The following HMGCLL1 variants were observed in gnomAD, a reference collection of about 807,000 sequenced individuals.
HMGCLL1 encodes the protein 3-hydroxy-3-methylglutaryl-CoA lyase like 1.
Under a neutral mutation model 39.1 loss-of-function variants are expected in HMGCLL1, and 36 were observed. That is an observed-to-expected ratio of 0.92 (90% confidence interval 0.71 to 1.22). The LOEUF is 1.22. HMGCLL1 is among the 50% of genes most tolerant of loss of function. The pLI is 0.00. For missense variants in HMGCLL1, 451 were observed against 416.5 expected, an observed-to-expected ratio of 1.08 and a Z score of -0.72; for synonymous variants, 149 against 144.0, an observed-to-expected ratio of 1.03 and a Z score of -0.25.
At chr6:55,590,801 GC>G in the HMGCLL1 span, among the ~76,000 whole-genome samples, 1 of 151,864 alleles carries the variant, frequency 6.6e-6, no homozygotes, top group African/African-American at 2.4e-5. Context: ...TTGAAATTCA[GC>G]TTTAGATGTC....
At chr6:55,641,113 T>C in the HMGCLL1 span, among the ~76,000 whole-genome samples, 9 of 151,386 alleles carry the variant, frequency 5.9e-5, no homozygotes, top group African/African-American at 7.3e-5. Context: ...CATACAAATA[T>C]GATAAATAGG....
the HMGCLL1 span, among the ~76,000 whole-genome samples, chr6:55,651,554 G>T: frequency 6.6e-6 from 1 of 152,014 alleles, no homozygotes; most frequent in African/African-American, 2.4e-5. Context: ...TGGGGTTGGC[G>T]GGGGAATGGC....
chr6:55,665,297 A>G, the HMGCLL1 span, among the ~76,000 whole-genome samples: 35 of 151,894 alleles, frequency 2.3e-4, no homozygotes, highest in South Asian at 4.1e-4. Flanking sequence ...TCTGAAAAAT[A>G]TAATAGATAA....
At chr6:55,443,412 A>G (rs898387982) in intron 7 of HMGCLL1, among the ~76,000 whole-genome samples, 11 of 152,194 alleles carry the variant, frequency 7.2e-5, no homozygotes, top group Non-Finnish European at 1.5e-4. Flanking sequence ...TTTTCTCGCT[A>G]CTGAGGATCA....
the HMGCLL1 span, among the ~76,000 whole-genome samples, chr6:55,595,243 T>C: frequency 6.6e-5 from 10 of 152,276 alleles, no homozygotes; most frequent in East Asian, 1.7e-3. Flanking sequence ...CGAACAAATA[T>C]AAGTAGAGAG....
At chr6:55,647,505 T>A in the HMGCLL1 span, among the ~76,000 whole-genome samples, 1 of 151,928 alleles carries the variant, frequency 6.6e-6, no homozygotes, top group Admixed American at 6.6e-5. Context: ...TGAAGATAAT[T>A]TTCTCTGGTG....
chr6:55,540,658 G>A (rs1464947646), intron 3 of HMGCLL1, among the ~76,000 whole-genome samples: 2 of 152,108 alleles, frequency 1.3e-5, no homozygotes, highest in Admixed American at 6.6e-5. Context: ...AAGTGACTAC[G>A]ACAGTAACTG....
chr6:55,674,670 A>G, the HMGCLL1 span, among the ~76,000 whole-genome samples: 1 of 151,840 alleles, frequency 6.6e-6, no homozygotes, highest in Non-Finnish European at 1.5e-5. Flanking sequence ...ATGAGGGACA[A>G]TGATAATGTT....
intron 3 of HMGCLL1, among the ~76,000 whole-genome samples, chr6:55,522,796 G>T (rs1768104194): frequency 6.6e-6 from 1 of 151,986 alleles, no homozygotes; most frequent in South Asian, 2.1e-4. Context: ...AGAATGTTTT[G>T]GGTGGTTCTG....
chr6:55,547,540 AT>A (rs1296195240), intron 1 of HMGCLL1, among the ~76,000 whole-genome samples: 11 of 149,638 alleles, frequency 7.4e-5, no homozygotes, highest in African/African-American at 4.9e-5. Flanking sequence ...CTTGAGAAGT[AT>A]TTTTTTGTGT....
chr6:55,490,873 A>T (rs1203734000), intron 7 of HMGCLL1, among the ~76,000 whole-genome samples: 1 of 150,034 alleles, frequency 6.7e-6, no homozygotes, highest in Non-Finnish European at 1.5e-5. Context: ...AAGCAAATAG[A>T]AGTATTAAAA....
chr6:55,583,837 G>A (rs943738325), upstream of HMGCLL1, among the ~76,000 whole-genome samples: 2 of 152,078 alleles, frequency 1.3e-5, no homozygotes, highest in Non-Finnish European at 2.9e-5. Context: ...TAACATCTTA[G>A]CTTGGAGTCT....
chr6:55,606,317 A>G, the HMGCLL1 span, among the ~76,000 whole-genome samples: 1 of 152,184 alleles, frequency 6.6e-6, no homozygotes, highest in Non-Finnish European at 1.5e-5. Flanking sequence ...TATTGGGACA[A>G]ATATCCCATT....
chr6:55,542,899 ATTAT>A (rs1262176979), intron 1 of HMGCLL1, among the ~76,000 whole-genome samples: 1 of 132,086 alleles, frequency 7.6e-6, no homozygotes, highest in Non-Finnish European at 1.5e-5. Context: ...ATATATTTAG[ATTAT>A]TTATATTGTT....
chr6:55,592,979 A>C, the HMGCLL1 span, among the ~76,000 whole-genome samples: 1 of 152,122 alleles, frequency 6.6e-6, no homozygotes, highest in African/African-American at 2.4e-5. Context: ...TGAAATCTAT[A>C]AAAAGCATGC....
chr6:55,509,613 A>T (rs1320146882), intron 5 of HMGCLL1, among the ~76,000 whole-genome samples: 3 of 151,844 alleles, frequency 2.0e-5, no homozygotes, highest in Non-Finnish European at 1.5e-5. Context: ...CAGTGTTTTA[A>T]AGGAGAATAC....
At chr6:55,497,498 T>G (rs1766642266) in intron 6 of HMGCLL1, among the ~76,000 whole-genome samples, 1 of 152,072 alleles carries the variant, frequency 6.6e-6, no homozygotes. Flanking sequence ...GGTCCCAGGA[T>G]ATAATGGGGA....
At chr6:55,652,184 C>A in the HMGCLL1 span, among the ~76,000 whole-genome samples, 2 of 152,022 alleles carry the variant, frequency 1.3e-5, no homozygotes, top group Non-Finnish European at 2.9e-5. Flanking sequence ...TTTACTCCAT[C>A]CCCTGAATGA....
intron 3 of HMGCLL1, among the ~76,000 whole-genome samples, chr6:55,540,080 G>A (rs193097299): frequency 2.7e-5 from 4 of 148,102 alleles, no homozygotes; most frequent in African/African-American, 1.0e-4. Flanking sequence ...GGGAAGGAAG[G>A]AAAATATGAC....
Sources: allele counts gnomAD v4.1 joint callset (sites outside exome capture counted in the v4.1 genomes callset), GRCh38; gene constraint gnomAD v4.1.1; transcripts MANE v1.5; gene names NCBI Gene and HGNC (gene_info 2026-07-23, HGNC 2026-07-21).